The following IGF2BP3 variants were observed in gnomAD, a reference collection of about 807,000 sequenced individuals.
IGF2BP3 encodes the protein insulin-like growth factor 2 mRNA-binding protein 3.
A neutral mutation model predicts 73.8 loss-of-function variants in IGF2BP3; 9 were observed. The ratio of observed to expected loss-of-function variants is 0.12; its 90% CI spans 0.07 to 0.21. The LOEUF is 0.21. Ranked by LOEUF, IGF2BP3 falls within the 10% of genes least tolerant of loss-of-function variation. IGF2BP3 has a pLI of 1.00. For missense variants in IGF2BP3, 542 were observed against 714.0 expected (o/e 0.76, Z 2.75); for synonymous variants, 258 against 256.7 (o/e 1.01, Z -0.05).
At chr7:23,397,846 G>A (rs1003835871) in intron 3 of IGF2BP3, among the ~76,000 whole-genome samples, 4 of 152,148 alleles carry the variant, frequency 2.6e-5, no homozygotes, top group African/African-American at 9.7e-5. Context: ...TACCTTATAT[G>A]GCAAAAGGGA....
chr7:23,448,501 C>G (rs893636520), intron 2 of IGF2BP3, among the ~76,000 whole-genome samples: 27 of 152,222 alleles, frequency 1.8e-4, no homozygotes, highest in African/African-American at 6.5e-4. Context: ...TCACTGGGCT[C>G]AAGCAATCTT....
intron 12 of IGF2BP3, among the ~76,000 whole-genome samples, chr7:23,314,181 CTTATTTTTTTTTTT>C (rs1373724326): frequency 6.7e-6 from 1 of 148,896 alleles, no homozygotes; most frequent in African/African-American, 2.5e-5. Context: ...CCACACCTGA[CTTATTTTTTTTTTT>C]TTTTTGAGAC....
At chr7:23,337,442 T>A (rs1784602080) in intron 10 of IGF2BP3, among the ~76,000 whole-genome samples, 1 of 152,252 alleles carries the variant, frequency 6.6e-6, no homozygotes, top group South Asian at 2.1e-4. Flanking sequence ...TCTTCCAGGC[T>A]CTGGGAGGCT....
At chr7:23,401,672 G>A (rs1350754601) in intron 3 of IGF2BP3, among the ~76,000 whole-genome samples, 6 of 151,996 alleles carry the variant, frequency 3.9e-5, no homozygotes, top group Non-Finnish European at 7.4e-5. Context: ...GGCTGAGGCA[G>A]GAGAATGGCT....
At chr7:23,330,141 C>G (rs1784406603) in intron 10 of IGF2BP3, among the ~76,000 whole-genome samples, 1 of 151,868 alleles carries the variant, frequency 6.6e-6, no homozygotes, top group South Asian at 2.1e-4. Context: ...AAAAAATAAG[C>G]CAGGCATGGT....
intron 2 of IGF2BP3, among the ~76,000 whole-genome samples, chr7:23,443,102 A>ATTTTTTTT (rs34674050): frequency 2.3e-5 from 2 of 85,842 alleles, no homozygotes. Context: ...CATTACAGTG[A>ATTTTTTTT]TTTTTTTTTT....
At chr7:23,399,412 A>T (rs55753601) in intron 3 of IGF2BP3, among the ~76,000 whole-genome samples, 1,808 of 78,756 alleles carry the variant, frequency 0.023, 29 homozygotes, top group African/African-American at 0.066. Flanking sequence ...AAATTAAATT[A>T]AAAAAAAAAA....
At chr7:23,335,596 C>T (rs1179653658) in intron 10 of IGF2BP3, among the ~76,000 whole-genome samples, 6 of 151,922 alleles carry the variant, frequency 3.9e-5, no homozygotes, top group Admixed American at 3.9e-4. Context: ...TTAAAGAGTA[C>T]CTTAAGCCTA....
At chr7:23,433,341 T>G (rs1224952030) in intron 2 of IGF2BP3, among the ~76,000 whole-genome samples, 2 of 152,188 alleles carry the variant, frequency 1.3e-5, no homozygotes, top group African/African-American at 4.8e-5. Context: ...TCTAACTACT[T>G]GAAATGTGGC....
At chr7:23,394,068 TA>T (rs113420930) in intron 3 of IGF2BP3, among the ~76,000 whole-genome samples, 6,973 of 150,682 alleles carry the variant, frequency 0.046, 452 homozygotes, top group African/African-American at 0.14. Flanking sequence ...GTTGTGTGAT[TA>T]AAAAAAAAAT....
chr7:23,428,440 C>G (rs1268902097), intron 2 of IGF2BP3, among the ~76,000 whole-genome samples: 1 of 151,702 alleles, frequency 6.6e-6, no homozygotes, highest in East Asian at 1.9e-4. Flanking sequence ...CCACTGCACT[C>G]CAGCCTGGGC....
At chr7:23,459,027 T>C (rs562017577) in intron 2 of IGF2BP3, among the ~76,000 whole-genome samples, 2 of 152,330 alleles carry the variant, frequency 1.3e-5, no homozygotes, top group Admixed American at 1.3e-4. Context: ...TCTCCCAGGG[T>C]TCTATGGAGA....
intron 3 of IGF2BP3, among the ~76,000 whole-genome samples, chr7:23,391,537 T>C (rs994282753): frequency 1.3e-5 from 2 of 152,186 alleles, no homozygotes; most frequent in Non-Finnish European, 2.9e-5. Context: ...TTCTGATCTA[T>C]TCCTGGAAGC....
chr7:23,412,747 G>A (rs1039932725), intron 3 of IGF2BP3, among the ~76,000 whole-genome samples: 1 of 146,120 alleles, frequency 6.8e-6, no homozygotes, highest in South Asian at 2.3e-4. Flanking sequence ...CATTTTTTGA[G>A]TACTTATTAG....
chr7:23,411,642 A>T (rs1038456781), intron 3 of IGF2BP3, among the ~76,000 whole-genome samples: 4 of 152,236 alleles, frequency 2.6e-5, no homozygotes, highest in African/African-American at 9.6e-5. Flanking sequence ...CTGTATCCAC[A>T]TGGACCAAGT....
chr7:23,449,475 C>G (rs1788143782), intron 2 of IGF2BP3, among the ~76,000 whole-genome samples: 1 of 151,868 alleles, frequency 6.6e-6, no homozygotes, highest in Admixed American at 6.6e-5. Flanking sequence ...CGAGATAGCG[C>G]CACTGCACTC....
chr7:23,456,358 T>C (rs1788317770), intron 2 of IGF2BP3, among the ~76,000 whole-genome samples: 1 of 152,154 alleles, frequency 6.6e-6, no homozygotes, highest in Non-Finnish European at 1.5e-5. Flanking sequence ...AAAAGCTGAG[T>C]AGCACCTTCT....
intron 3 of IGF2BP3, among the ~76,000 whole-genome samples, chr7:23,406,537 A>G (rs1198451852): frequency 6.6e-6 from 1 of 152,074 alleles, no homozygotes; most frequent in African/African-American, 2.4e-5. Context: ...TGACTTCAGG[A>G]GTGAAGCCGC....
intron 2 of IGF2BP3, among the ~76,000 whole-genome samples, chr7:23,451,019 C>T (rs536246868): frequency 1.3e-5 from 2 of 152,320 alleles, no homozygotes; most frequent in Middle Eastern, 6.8e-3. Flanking sequence ...ATACTTCAAT[C>T]AAAACAATAC....
Sources: allele counts gnomAD v4.1 joint callset (sites outside exome capture counted in the v4.1 genomes callset), GRCh38; gene constraint gnomAD v4.1.1; transcripts MANE v1.5; gene names NCBI Gene and HGNC (gene_info 2026-07-23, HGNC 2026-07-21).